Variants in MTARC2 observed in about 807,000 individuals in gnomAD.
MTARC2 encodes the protein mitochondrial amidoxime reducing component 2, also known as MOCO sulphurase C-terminal domain containing 2.
In MTARC2, 27 loss-of-function variants were observed where a neutral mutation model predicts 35.6. The ratio of observed to expected loss-of-function variants is 0.76; its 90% CI spans 0.56 to 1.04. The LOEUF is 1.04. Among genes scored for constraint, MTARC2 ranks in the 50% least tolerant of loss-of-function variants. The pLI is 0.00. For synonymous variants in MTARC2, 158 were observed against 167.1 expected (o/e 0.95, Z 0.42); for missense variants, 412 against 432.5 (o/e 0.95, Z 0.42).
Position 220,780,099 on chromosome 1 carries a change from C to T in MTARC2, c.812+20C>T. ...CCCCAGGTAAGGAGCCTAGCTAGAC[C>T]CCAGGACTGTGGTGTGGCCCATTCA... is the stretch of plus-strand genomic sequence containing the variant. On this transcript the variant is annotated intron_variant, in intron 5 of 7. Transcript: ENST00000366913. The T allele has an allele frequency of 1.3e-6, 2 of 1,597,518 alleles. No homozygotes were observed. Among genetic ancestry groups the T allele is most frequent in the Non-Finnish European group, 1.7e-6 (2 of 1,173,618 alleles).
chr1:220,755,670 G>A (rs1671258295), intron 2 of MTARC2, among the ~76,000 whole-genome samples: 1 of 152,104 alleles, frequency 6.6e-6, no homozygotes, highest in Non-Finnish European at 1.5e-5. Flanking sequence ...TAAAGGAGGT[G>A]ACTGGGAGTG....
chr1:220,752,437 C>G (rs1317060032), intron 1 of MTARC2, among the ~76,000 whole-genome samples: 1 of 152,178 alleles, frequency 6.6e-6, no homozygotes, highest in African/African-American at 2.4e-5. Context: ...TGTGAGGCAT[C>G]TAAGTCAGTG....
At position 220,748,494 on chromosome 1, in the gene MTARC2, G is replaced by C. The variant is rs1473212545; in HGVS notation, c.-38G>C. 1.2e-5 allele frequency: 16 copies of C among 1,365,700 alleles called. 1 individual carries two copies. The highest frequency in any genetic ancestry group is 1.5e-5 in the Non-Finnish European group (16 of 1,069,884). 84.6% of individuals were successfully genotyped at this position (1,365,700 alleles called of 1,614,324 possible). A position where few individuals can be genotyped will look rare whatever the true frequency, so the allele number is the denominator to read the frequency against. ...GTCCTCCCGGTCTCCGGTCGCTGCC[G>C]GGTCTGTGCGCCGGTCCGCGCCCGC... is the stretch of plus-strand genomic sequence containing the variant. On this transcript the variant is annotated 5_prime_UTR_variant, in exon 1 of 8. Coordinates refer to ENST00000366913, the MANE Select transcript of MTARC2 (RefSeq NM_017898.5).
chr1:220,766,369 C>T (rs1671578799), intron 4 of MTARC2, among the ~76,000 whole-genome samples: 1 of 152,204 alleles, frequency 6.6e-6, no homozygotes, highest in African/African-American at 2.4e-5. Flanking sequence ...TCTAGTTTCC[C>T]ACATTGTCTA....
chr1:220,753,050 TA>T (rs747375341), intron 1 of MTARC2, among the ~76,000 whole-genome samples: 1,386 of 106,846 alleles, frequency 0.013, 23 homozygotes, highest in Middle Eastern at 0.059. Context: ...CTGTCTCTAC[TA>T]AAAAAAAAAA....
chr1:220,771,962 G>A (rs1274813738), intron 4 of MTARC2, among the ~76,000 whole-genome samples: 2 of 152,170 alleles, frequency 1.3e-5, no homozygotes, highest in African/African-American at 4.8e-5. Flanking sequence ...AAGGTAGCCT[G>A]TGATAACATT....
chr1:220,757,619 C>G (rs906045113), intron 2 of MTARC2, among the ~76,000 whole-genome samples: 6 of 152,134 alleles, frequency 3.9e-5, no homozygotes, highest in African/African-American at 7.2e-5. Context: ...ATGGCCACTT[C>G]TCGTTATGTC....
At chr1:220,769,934 CAAAAAAAAA>C (rs57739324) in intron 4 of MTARC2, among the ~76,000 whole-genome samples, 224 of 63,422 alleles carry the variant, frequency 3.5e-3, no homozygotes, top group Middle Eastern at 0.03. Flanking sequence ...ACTAAAAATA[CAAAAAAAAA>C]AAAAAAAAAA....
intron 4 of MTARC2, among the ~76,000 whole-genome samples, chr1:220,764,537 A>T (rs1372675114): frequency 6.6e-6 from 1 of 152,194 alleles, no homozygotes; most frequent in African/African-American, 2.4e-5. Context: ...CTATAGTCCC[A>T]GCACTTTGGG....
intron 1 of MTARC2, among the ~76,000 whole-genome samples, chr1:220,753,245 A>AAAGAAAGAAAG (rs1671179394): frequency 6.6e-6 from 1 of 151,908 alleles, no homozygotes; most frequent in Admixed American, 6.6e-5. Flanking sequence ...AAGAAAAAAA[A>AAAGAAAGAAAG]AAGAAAGAAA....
chr1:220,768,988 A>C (rs1265637695), intron 4 of MTARC2, among the ~76,000 whole-genome samples: 1 of 152,184 alleles, frequency 6.6e-6, no homozygotes, highest in Non-Finnish European at 1.5e-5. Flanking sequence ...GATTAGGAAA[A>C]GCTCCAGTGA....
intron 1 of MTARC2, among the ~76,000 whole-genome samples, 179 bp from the exon 2 acceptor site, chr1:220,754,768 T>C (rs112604342): frequency 2.0e-4 from 31 of 152,320 alleles, no homozygotes; most frequent in South Asian, 1.2e-3. Flanking sequence ...AAGCTCTTTC[T>C]GGGGTCACCA....
chr1:220,750,348 C>A (rs1454506682), intron 1 of MTARC2, among the ~76,000 whole-genome samples: 1 of 152,214 alleles, frequency 6.6e-6, no homozygotes, highest in Non-Finnish European at 1.5e-5. Context: ...GGTTGCACTA[C>A]TTCCTTCCTC....
chr1:220,753,144 TGTGAACCCAGGAG>T (rs1276803437), intron 1 of MTARC2, among the ~76,000 whole-genome samples: 1 of 149,200 alleles, frequency 6.7e-6, no homozygotes, highest in Non-Finnish European at 1.5e-5. Flanking sequence ...AGGAGAATGG[TGTGAACCCAGGAG>T]GTGGAGCTTG....
chr1:220,768,708 G>T (rs1671651109), intron 4 of MTARC2, among the ~76,000 whole-genome samples: 1 of 152,132 alleles, frequency 6.6e-6, no homozygotes, highest in Non-Finnish European at 1.5e-5. Context: ...AAATGGAGAA[G>T]AAGAACAGGT....
chr1:220,761,029 T>A (rs1316220136), intron 2 of MTARC2, among the ~76,000 whole-genome samples: 1 of 152,226 alleles, frequency 6.6e-6, no homozygotes, highest in African/African-American at 2.4e-5. Flanking sequence ...AGTTTACCTG[T>A]CAACTTATAG....
At chr1:220,774,035 A>G (rs1191570516) in intron 4 of MTARC2, among the ~76,000 whole-genome samples, 3 of 151,582 alleles carry the variant, frequency 2.0e-5, no homozygotes, top group Non-Finnish European at 4.4e-5. Flanking sequence ...CACCTTGAAA[A>G]GTGTTCAGTG....
At chr1:220,764,714 C>G (rs117966941) in intron 4 of MTARC2, among the ~76,000 whole-genome samples, 2,025 of 151,592 alleles carry the variant, frequency 0.013, 32 homozygotes, top group East Asian at 0.059. Flanking sequence ...GCTTGAGCCC[C>G]GGGCCGGAGA....
At position 220,754,928 on chromosome 1, in the gene MTARC2, C is replaced by T; in HGVS notation, c.273-19C>T. ...TGGAAGAGGATTTTCTGAGTGTGCC[C>T]TGGTTTGTTTCTCTGCAGGTTTTGG... On this transcript the variant is annotated intron_variant, in intron 1 of 7. Coordinates refer to ENST00000366913, the MANE Select transcript of MTARC2 (RefSeq NM_017898.5). 1 of 1,557,998 alleles carries T rather than the reference C, an allele frequency of 6.4e-7. No homozygotes were observed. The highest frequency in any genetic ancestry group is 1.2e-5 in the South Asian group (1 of 81,482).
Sources: allele counts gnomAD v4.1 joint callset (sites outside exome capture counted in the v4.1 genomes callset), GRCh38; gene constraint gnomAD v4.1.1; transcripts MANE v1.5; gene names NCBI Gene and HGNC (gene_info 2026-07-23, HGNC 2026-07-21).